The following CFAP70 variants were observed in gnomAD, a reference collection of about 807,000 sequenced individuals.
CFAP70 encodes cilia and flagella associated protein 70.
A neutral mutation model predicts 137.6 loss-of-function variants in CFAP70; 81 were observed. The ratio of observed to expected loss-of-function variants is 0.59; its 90% CI spans 0.49 to 0.71. The LOEUF is 0.71. Among genes scored for constraint, CFAP70 ranks in the 30% least tolerant of loss-of-function variants. CFAP70 has a pLI of 0.00. For synonymous variants in CFAP70, 382 were observed against 423.6 expected (o/e 0.90, Z 1.20); for missense variants, 976 against 1,226.7 (o/e 0.80, Z 3.05).
chr10:73,292,444 A>G (rs556415201), intron 16 of CFAP70, among the ~76,000 whole-genome samples: 60 of 152,332 alleles, frequency 3.9e-4, no homozygotes, highest in Admixed American at 1.2e-3. Context: ...ATTTAGAAAG[A>G]CATAAATAAA....
chr10:73,335,604 G>T, intron 6 of CFAP70, 80 bp from the exon 8 acceptor site: 2 of 942,630 alleles, frequency 2.1e-6, no homozygotes, highest in South Asian at 2.0e-5. Context: ...TTCTTTTAAT[G>T]GATTTGTTCA....
chr10:73,305,450 G>A (rs1477398502), intron 12 of CFAP70, among the ~76,000 whole-genome samples: 1 of 152,180 alleles, frequency 6.6e-6, no homozygotes, highest in African/African-American at 2.4e-5. Context: ...AAGTTGACCA[G>A]AGAAAACCCT....
rs1183857857 is a variant in CFAP70 at position 73,264,488 on chromosome 10, G to C, written c.3027+5126C>G. On this transcript the variant is annotated intron_variant, in intron 25 of 26. Transcript: ENST00000310715. ...CTCCCATTCTAATCCACCACTACAAGGTCATTCTATCCTTCTTGTTTCCAC... is the reference window on the plus strand; with the variant it reads ...CTCCCATTCTAATCCACCACTACAACGTCATTCTATCCTTCTTGTTTCCAC... Among the ~76,000 whole-genome samples, 3 of 152,038 alleles carry C rather than the reference G, an allele frequency of 2.0e-5. No homozygotes were observed. In the East Asian group the frequency reaches 5.8e-4, roughly 29 times the overall value.
intron 9 of CFAP70, among the ~76,000 whole-genome samples, chr10:73,320,824 G>A (rs1157949462): frequency 2.6e-5 from 4 of 151,780 alleles, no homozygotes; most frequent in South Asian, 4.2e-4. Context: ...ACAACATCAC[G>A]CCCAGCAAAT....
chr10:73,280,835 ATCT>A (rs1259153117), intron 19 of CFAP70, among the ~76,000 whole-genome samples: 1 of 151,774 alleles, frequency 6.6e-6, no homozygotes, highest in African/African-American at 2.4e-5. Context: ...TGTTTCATTG[ATCT>A]TCTGAAAGAA....
intron 16 of CFAP70, among the ~76,000 whole-genome samples, chr10:73,292,672 C>T: frequency 6.6e-6 from 1 of 152,132 alleles, no homozygotes; most frequent in Non-Finnish European, 1.5e-5. Context: ...CATATGAATG[C>T]TTATGTGCAA....
chr10:73,262,616 G>C (rs1422059990), intron 25 of CFAP70, among the ~76,000 whole-genome samples: 6 of 152,054 alleles, frequency 3.9e-5, no homozygotes, highest in Non-Finnish European at 8.8e-5. Flanking sequence ...GAAGGAAAAA[G>C]AAATTGTGCA....
At chr10:73,323,183 G>T in intron 8 of CFAP70, 86 bp from the exon 10 acceptor site, 1 of 1,300,236 alleles carries the variant, frequency 7.7e-7, no homozygotes, top group Non-Finnish European at 1.0e-6. Flanking sequence ...TCAAAGGCCT[G>T]GTTTTAGAAA....
chr10:73,276,978 A>G (rs1657591276), intron 21 of CFAP70: 3 of 264,332 alleles, frequency 1.1e-5, no homozygotes, highest in Non-Finnish European at 2.1e-5. Flanking sequence ...ATAAAGTGAT[A>G]TCAGGCAACA....
intron 3 of CFAP70, among the ~76,000 whole-genome samples, chr10:73,351,397 C>T (rs1036367618): frequency 1.3e-5 from 2 of 151,614 alleles, no homozygotes; most frequent in African/African-American, 2.4e-5. Flanking sequence ...GGATTACAGG[C>T]GTGAGCCACT....
At chr10:73,335,855 C>A (rs1271212334) in intron 6 of CFAP70, among the ~76,000 whole-genome samples, 1 of 149,590 alleles carries the variant, frequency 6.7e-6, no homozygotes, top group Non-Finnish European at 1.5e-5. Context: ...TTTTTAAACA[C>A]CTGGACCCGG....
chr10:73,264,122 T>A (rs1449204236), intron 25 of CFAP70, among the ~76,000 whole-genome samples: 1 of 152,224 alleles, frequency 6.6e-6, no homozygotes, highest in East Asian at 1.9e-4. Flanking sequence ...TGTGCCAGTC[T>A]TTCTTTGAAC....
chr10:73,278,138 T>G, intron 20 of CFAP70, 41 bp downstream of exon 21: 1 of 1,596,522 alleles, frequency 6.3e-7, no homozygotes. Context: ...CTTGTCTAGC[T>G]TATGCCCCTC....
intron 3 of CFAP70, 63 bp downstream of exon 3, chr10:73,353,493 C>T: frequency 2.8e-6 from 4 of 1,421,248 alleles, no homozygotes; most frequent in Non-Finnish European, 2.9e-6. Context: ...TGTGCTTTTC[C>T]CATCCAACAT....
At chr10:73,277,404 G>A in intron 20 of CFAP70, 43 bp from the exon 22 acceptor site, 1 of 1,598,742 alleles carries the variant, frequency 6.3e-7, no homozygotes, top group Non-Finnish European at 8.5e-7. Flanking sequence ...GGATATAACA[G>A]AAAAAGTGTC....
chr10:73,361,852 T>C (rs1241080185), upstream of CFAP70, among the ~76,000 whole-genome samples: 1 of 150,444 alleles, frequency 6.6e-6, no homozygotes, highest in Non-Finnish European at 1.5e-5. Context: ...AAACCCCAAC[T>C]GTTTTTTTTT....
chr10:73,257,981 C>A (rs182578637), intron 25 of CFAP70, among the ~76,000 whole-genome samples: 366 of 151,754 alleles, frequency 2.4e-3, no homozygotes, highest in African/African-American at 8.4e-3. Context: ...CAACCTCCAC[C>A]CCCTGGGTTC....
chr10:73,293,293 G>A (rs2131927322), exon 16 of CFAP70: 1 of 1,612,282 alleles, frequency 6.2e-7, no homozygotes, highest in East Asian at 2.2e-5. Flanking sequence ...CCATCTCAAA[G>A]TTCTCATTGA....
intron 8 of CFAP70, among the ~76,000 whole-genome samples, chr10:73,330,449 C>CAA (rs745806193): frequency 2.9e-4 from 20 of 69,066 alleles, no homozygotes; most frequent in Admixed American, 6.9e-4. Flanking sequence ...GACTCCATCA[C>CAA]AAAAAAAAAA....
Sources: gnomAD v4.1 joint callset for allele counts (sites outside exome capture counted in the v4.1 genomes callset) on GRCh38, gnomAD v4.1.1 for gene constraint, MANE v1.5 for transcripts, NCBI Gene and HGNC (gene_info 2026-07-23, HGNC 2026-07-21) for gene names.